The following BLTP2 variants were observed in gnomAD, a reference collection of about 807,000 sequenced individuals.
BLTP2 encodes bridge-like lipid transfer protein family member 2, also known as U937-associated antigen.
the BLTP2 span, chr17:28,631,909 CA>C: frequency 1.2e-6 from 2 of 1,613,880 alleles, no homozygotes; most frequent in African/African-American, 2.7e-5. Flanking sequence ...AAATGAGGCC[CA>C]ATAATGTACC....
At chr17:28,619,997 G>A in the BLTP2 span, 1 of 1,613,470 alleles carries the variant, frequency 6.2e-7, no homozygotes, top group Non-Finnish European at 8.5e-7. Flanking sequence ...CTGACCCGTT[G>A]CTTCTTCTCA....
the BLTP2 span, chr17:28,615,284 T>A: frequency 2.0e-6 from 3 of 1,522,078 alleles, no homozygotes; most frequent in Non-Finnish European, 2.7e-6. Context: ...AATGTAAATA[T>A]TAGTGGGCAG....
At chr17:28,620,155 T>C in the BLTP2 span, 30 of 763,022 alleles carry the variant, frequency 3.9e-5, no homozygotes, top group Non-Finnish European at 5.8e-5. Flanking sequence ...ATAGCAACAG[T>C]AGTAGGTCAA....
At chr17:28,623,978 A>T in the BLTP2 span, 3 of 1,612,060 alleles carry the variant, frequency 1.9e-6, no homozygotes, top group South Asian at 2.2e-5. Context: ...TATGCCAGAG[A>T]TAGAAGCAGA....
the BLTP2 span, among the ~76,000 whole-genome samples, chr17:28,625,526 T>G: frequency 7.2e-5 from 11 of 152,092 alleles, no homozygotes; most frequent in Non-Finnish European, 1.5e-4. Flanking sequence ...TGACGCAAAT[T>G]CAGCATGCCC....
chr17:28,627,752 T>G, the BLTP2 span, among the ~76,000 whole-genome samples: 1 of 151,946 alleles, frequency 6.6e-6, no homozygotes, highest in Non-Finnish European at 1.5e-5. Flanking sequence ...CCTCCTGGGT[T>G]CAAGCGAATC....
chr17:28,617,551 GTTCTAA>G, the BLTP2 span, among the ~76,000 whole-genome samples: 1 of 152,194 alleles, frequency 6.6e-6, no homozygotes, highest in African/African-American at 2.4e-5. Context: ...ATTAAAAAAT[GTTCTAA>G]TTCATTTCCA....
chr17:28,628,101 T>C, the BLTP2 span, among the ~76,000 whole-genome samples: 1 of 152,220 alleles, frequency 6.6e-6, no homozygotes, highest in Non-Finnish European at 1.5e-5. Context: ...CCAACATCAC[T>C]GTTACTTAAT....
At chr17:28,638,425 G>A in the BLTP2 span, 2 of 1,612,344 alleles carry the variant, frequency 1.2e-6, no homozygotes. Flanking sequence ...TCTGAACAAA[G>A]GTGAGAAAGA....
the BLTP2 span, chr17:28,632,149 A>C: frequency 1.9e-6 from 3 of 1,614,202 alleles, no homozygotes; most frequent in South Asian, 3.3e-5. Flanking sequence ...TCCCCTGCAG[A>C]TAGGCCTTGT....
the BLTP2 span, chr17:28,637,839 C>T: frequency 5.6e-6 from 9 of 1,613,558 alleles, no homozygotes; most frequent in Admixed American, 1.7e-5. Context: ...CACTTACCAA[C>T]CAAGGCAGAA....
At chr17:28,635,604 C>G in the BLTP2 span, 1 of 1,609,726 alleles carries the variant, frequency 6.2e-7, no homozygotes, top group Non-Finnish European at 8.5e-7. Context: ...CTGCACCACA[C>G]TGAACCTTTA....
chr17:28,640,642 A>C, the BLTP2 span: 1 of 1,613,766 alleles, frequency 6.2e-7, no homozygotes, highest in East Asian at 2.2e-5. Flanking sequence ...TGGAGAAGGA[A>C]TAGGCCAGGC....
At chr17:28,638,909 C>T in the BLTP2 span, among the ~76,000 whole-genome samples, 1 of 152,168 alleles carries the variant, frequency 6.6e-6, no homozygotes, top group Non-Finnish European at 1.5e-5. Context: ...ACCAGCAATA[C>T]TATACGCTTG....
chr17:28,633,796 CCT>C, the BLTP2 span: 13 of 1,600,702 alleles, frequency 8.1e-6, no homozygotes, highest in East Asian at 2.2e-4. Flanking sequence ...CAACATTACC[CCT>C]CTCTTCCTCC....
the BLTP2 span, chr17:28,620,772 C>T: frequency 9.7e-7 from 1 of 1,028,482 alleles, no homozygotes; most frequent in Non-Finnish European, 1.4e-6. Context: ...AACATGTTTA[C>T]TTCAGAATCA....
At chr17:28,637,197 T>C in the BLTP2 span, 1 of 1,598,546 alleles carries the variant, frequency 6.3e-7, no homozygotes, top group Non-Finnish European at 8.6e-7. Context: ...ATGTCAGCCT[T>C]GGTTCCCGGC....
the BLTP2 span, chr17:28,632,895 C>T: frequency 1.9e-5 from 27 of 1,398,348 alleles, no homozygotes; most frequent in Non-Finnish European, 1.8e-5. Flanking sequence ...CATCCATGCC[C>T]GTCCTCCCAA....
chr17:28,622,556 T>C, the BLTP2 span, among the ~76,000 whole-genome samples: 1 of 152,174 alleles, frequency 6.6e-6, no homozygotes, highest in Admixed American at 6.6e-5. Context: ...ATGTGGACAC[T>C]TAACACCTGT....
Sources: gnomAD v4.1 joint callset for allele counts (sites outside exome capture counted in the v4.1 genomes callset) on GRCh38, gnomAD v4.1.1 for gene constraint, MANE v1.5 for transcripts, NCBI Gene and HGNC (gene_info 2026-07-23, HGNC 2026-07-21) for gene names.